The following RHBDL3 variants were observed in gnomAD, a reference collection of about 807,000 sequenced individuals.
RHBDL3 encodes rhomboid-related protein 3.
Under a neutral mutation model 48.2 loss-of-function variants are expected in RHBDL3, and 28 were observed. The ratio of observed to expected loss-of-function variants is 0.58; its 90% CI spans 0.43 to 0.80. RHBDL3 has a LOEUF of 0.80. RHBDL3 is among the 30% of genes least tolerant of loss of function. The pLI is 0.00. For missense variants in RHBDL3, 464 were observed against 542.7 expected (o/e 0.85, Z 1.44); for synonymous variants, 208 against 232.3 (o/e 0.90, Z 0.95).
chr17:32,267,674 C>A, intron 1 of RHBDL3: 1 of 862,946 alleles, frequency 1.2e-6, no homozygotes, highest in Non-Finnish European at 1.5e-6. Flanking sequence ...GCCCCCACCC[C>A]ATCCCTTACT....
At chr17:32,267,971 A>G (rs762920615) in intron 2 of RHBDL3, 46 bp downstream of exon 2, 1 of 1,489,446 alleles carries the variant, frequency 6.7e-7, no homozygotes, top group Non-Finnish European at 9.4e-7. Flanking sequence ...CCTCCCTGAA[A>G]TCGGTCTCAG....
intron 5 of RHBDL3, among the ~76,000 whole-genome samples, chr17:32,297,332 G>A (rs1597658801): frequency 6.6e-6 from 1 of 152,130 alleles, no homozygotes; most frequent in African/African-American, 2.4e-5. Flanking sequence ...GCCGGGCATG[G>A]TGGCCTGTAA....
Position 32,305,341 on chromosome 17 carries a change from G to A in RHBDL3, c.782G>A (p.Gly261Glu). The change falls in exon 7 of 9, where the codon GGG (glycine) becomes GAG (glutamate). Residue 261 changes from glycine to glutamate, a missense_variant and splice_region_variant. By Grantham distance (98) the Gly-to-Glu change is moderately conservative. Coordinates refer to ENST00000269051, the MANE Select transcript of RHBDL3 (RefSeq NM_138328.3). ...GLVYVAGVVA[G>E]SLAVSVADMT... ...AATTCTCGCTGTCTTTCTGTACTAG[G>A]GTCCTTGGCAGTGTCTGTGGCTGAC... The A allele has an allele frequency of 6.2e-7, 1 of 1,609,360 alleles. No homozygotes were observed. The highest frequency in any genetic ancestry group is 8.5e-7 in the Non-Finnish European group (1 of 1,175,738).
At position 32,311,303 on chromosome 17, in the gene RHBDL3, G is replaced by A. The variant is rs116409826; in HGVS notation, c.883-4929G>A. On this transcript the variant is annotated intron_variant, in intron 7 of 8. Coordinates refer to ENST00000269051, the MANE Select transcript of RHBDL3 (RefSeq NM_138328.3). Reference sequence around the variant, plus strand: ...TGTGAGATTTTTTTTCTTCTCTCCCGTTGTTTCAGTGCACTGATTTTATTG... The same window carrying A: ...TGTGAGATTTTTTTTCTTCTCTCCCATTGTTTCAGTGCACTGATTTTATTG... Among the ~76,000 whole-genome samples, 634 of 152,268 alleles carry A rather than the reference G, an allele frequency of 4.2e-3. 6 individuals carry two copies. The highest frequency in any genetic ancestry group is 0.014 in the African/African-American group (596 of 41,562).
intron 2 of RHBDL3, among the ~76,000 whole-genome samples, chr17:32,277,964 C>T (rs1350088762): frequency 2.0e-5 from 3 of 152,172 alleles, no homozygotes; most frequent in South Asian, 2.1e-4. Context: ...TTTCAGGTAC[C>T]ATCAGGTACC....
rs766414740 is a variant in RHBDL3, at chr17:32,294,278, TC to T, written c.520-15del. On this transcript the variant is annotated splice_polypyrimidine_tract_variant and intron_variant, in intron 4 of 8. Coordinates refer to ENST00000269051, the MANE Select transcript of RHBDL3 (RefSeq NM_138328.3). ...GCAGTGTGCACCTAGTAACAGACTC[TC>T]TCTCTTCTGTCCAGGTTGCCTTTTT... The T allele has an allele frequency of 3.5e-5, 56 of 1,611,944 alleles. No homozygotes were observed. Among genetic ancestry groups the T allele is most frequent in the Non-Finnish European group, 4.7e-5 (55 of 1,178,848 alleles).
rs1411835194 is a variant in RHBDL3, at chr17:32,320,941, G to A, written c.944-17G>A. On this transcript the variant is annotated splice_polypyrimidine_tract_variant and intron_variant, in intron 8 of 8. Coordinates refer to ENST00000269051, the MANE Select transcript of RHBDL3 (RefSeq NM_138328.3). ...CAGGGCCCTCCTGTGACATCTCTCT[G>A]CTTCCTCCCCTTGCAGTGAGCATGG... 11 of 1,601,598 alleles carry A rather than the reference G, an allele frequency of 6.9e-6. No homozygotes were observed. The highest frequency in any genetic ancestry group is 9.4e-6 in the Non-Finnish European group (11 of 1,171,762).
chr17:32,318,073 G>A (rs1186946042), intron 8 of RHBDL3, among the ~76,000 whole-genome samples: 1 of 151,584 alleles, frequency 6.6e-6, no homozygotes, highest in Non-Finnish European at 1.5e-5. Context: ...AAAAAAATTA[G>A]CCCGGCATGG....
intron 2 of RHBDL3, among the ~76,000 whole-genome samples, chr17:32,281,504 G>A (rs993775429): frequency 6.6e-6 from 1 of 151,938 alleles, no homozygotes; most frequent in East Asian, 1.9e-4. Context: ...CCACTGGGGG[G>A]CTCCCCAGGA....
chr17:32,266,844 C>G (rs7217877), intron 1 of RHBDL3, among the ~76,000 whole-genome samples: 82,992 of 152,070 alleles, frequency 0.55, 25,632 homozygotes, highest in African/African-American at 0.85. Flanking sequence ...AGCAGGGAGG[C>G]AAAGAGTGCT....
intron 8 of RHBDL3, 72 bp from the exon 9 acceptor site, chr17:32,320,886 G>T: frequency 9.5e-7 from 1 of 1,048,094 alleles, no homozygotes; most frequent in Non-Finnish European, 1.5e-6. Context: ...TCATGGGTGG[G>T]TGATGAAGTG....
At chr17:32,292,156 GAA>G (rs879446021) in intron 4 of RHBDL3, among the ~76,000 whole-genome samples, 2 of 147,374 alleles carry the variant, frequency 1.4e-5, no homozygotes, top group Non-Finnish European at 3.0e-5. Flanking sequence ...AGGAGTCCCA[GAA>G]AAAAAAAAGA....
intron 2 of RHBDL3, among the ~76,000 whole-genome samples, chr17:32,281,451 A>G (rs975283427): frequency 2.0e-5 from 3 of 151,906 alleles, no homozygotes; most frequent in Admixed American, 6.5e-5. Flanking sequence ...GGCAGGAGAG[A>G]CTGCACAAGC....
At chr17:32,277,138 A>G (rs2039932871) in intron 2 of RHBDL3, among the ~76,000 whole-genome samples, 1 of 152,192 alleles carries the variant, frequency 6.6e-6, no homozygotes, top group Admixed American at 6.5e-5. Context: ...TCTTTACCCC[A>G]GTGGCAGCTG....
chr17:32,285,172 A>G (rs568011180), intron 3 of RHBDL3, among the ~76,000 whole-genome samples: 1 of 151,554 alleles, frequency 6.6e-6, no homozygotes, highest in Non-Finnish European at 1.5e-5. Context: ...GGGAGAGAGA[A>G]GAGGAGGGGA....
At chr17:32,295,858 C>T (rs2040432973) in intron 5 of RHBDL3, among the ~76,000 whole-genome samples, 1 of 152,228 alleles carries the variant, frequency 6.6e-6, no homozygotes, top group Non-Finnish European at 1.5e-5. Context: ...ATGCACACAG[C>T]TAGATGCCCC....
At position 32,278,626 on chromosome 17, in the gene RHBDL3, G is replaced by A. The variant is rs140118053; in HGVS notation, c.136-6033G>A. ...GTGATGGGAGAGAGTGCAGGCTCTC[G>A]CCCCTCTGCCTGGATATGAATCCAT... On this transcript the variant is annotated intron_variant, in intron 2 of 8. Coordinates refer to ENST00000269051, the MANE Select transcript of RHBDL3 (RefSeq NM_138328.3). Among the ~76,000 whole-genome samples, 162 of 152,260 alleles carry A rather than the reference G, an allele frequency of 1.1e-3. 1 individual carries two copies. The highest frequency in any genetic ancestry group is 3.7e-3 in the African/African-American group (154 of 41,532).
chr17:32,283,238 T>C (rs1047625133), intron 2 of RHBDL3, among the ~76,000 whole-genome samples: 1 of 151,932 alleles, frequency 6.6e-6, no homozygotes, highest in African/African-American at 2.4e-5. Context: ...GCTGTGGGCA[T>C]TGGGTGGGCT....
chr17:32,292,183 T>A (rs1190211108), intron 4 of RHBDL3, among the ~76,000 whole-genome samples: 4 of 152,210 alleles, frequency 2.6e-5, no homozygotes, highest in African/African-American at 9.6e-5. Flanking sequence ...AATACCCTTT[T>A]AGAGATTAAA....
Sources: allele counts gnomAD v4.1 joint callset (sites outside exome capture counted in the v4.1 genomes callset), GRCh38; gene constraint gnomAD v4.1.1; transcripts MANE v1.5; gene names NCBI Gene and HGNC (gene_info 2026-07-23, HGNC 2026-07-21).